Variants in NBEA observed in about 807,000 individuals in gnomAD.
The protein encoded by NBEA is neurobeachin.
In NBEA, 44 loss-of-function variants were observed where a neutral mutation model predicts 343.4. That is an observed-to-expected ratio of 0.13 (90% CI 0.10 to 0.16). NBEA has a LOEUF of 0.16. NBEA is among the 10% of genes least tolerant of loss of function. NBEA has a pLI of 1.00. For synonymous variants in NBEA, 1,175 were observed against 1,238.7 expected (o/e 0.95, Z 1.08); for missense variants, 2,555 against 3,631.3 (o/e 0.70, Z 7.62).
chr13:35,393,462 T>A (rs1429337639), intron 38 of NBEA, among the ~76,000 whole-genome samples: 1 of 152,132 alleles, frequency 6.6e-6, no homozygotes, highest in East Asian at 1.9e-4. Context: ...GGTATGCTTT[T>A]TTCTTTAAAG....
At chr13:35,383,886 T>C (rs2042118645) in intron 38 of NBEA, among the ~76,000 whole-genome samples, 1 of 152,048 alleles carries the variant, frequency 6.6e-6, no homozygotes, top group Non-Finnish European at 1.5e-5. Flanking sequence ...TGTTTAAACA[T>C]ATTTTTATGT....
At chr13:35,340,237 T>G (rs2039510159) in intron 36 of NBEA, among the ~76,000 whole-genome samples, 1 of 152,086 alleles carries the variant, frequency 6.6e-6, no homozygotes, top group South Asian at 2.1e-4. Flanking sequence ...AAATGCCCAT[T>G]GACAAGTGAA....
intron 48 of NBEA, among the ~76,000 whole-genome samples, chr13:35,622,503 C>A (rs528039754): frequency 2.8e-4 from 43 of 152,158 alleles, no homozygotes; most frequent in African/African-American, 9.9e-4. Context: ...TCTTATACAT[C>A]CAGAAACAGT....
At chr13:35,619,043 C>T (rs1346962677) in intron 48 of NBEA, among the ~76,000 whole-genome samples, 1 of 151,278 alleles carries the variant, frequency 6.6e-6, no homozygotes, top group Non-Finnish European at 1.5e-5. Flanking sequence ...GAAAATGTTT[C>T]CTTTTTAAGC....
At chr13:34,963,227 C>T (rs189724944) in intron 1 of NBEA, among the ~76,000 whole-genome samples, 2 of 152,026 alleles carry the variant, frequency 1.3e-5, no homozygotes, top group East Asian at 1.9e-4. Flanking sequence ...TTCTAGTGGC[C>T]GCAGGACTGG....
At chr13:35,411,546 C>T (rs1271020219) in intron 38 of NBEA, among the ~76,000 whole-genome samples, 2 of 151,838 alleles carry the variant, frequency 1.3e-5, no homozygotes, top group East Asian at 1.9e-4. Context: ...AAACCTTGAC[C>T]TCCTGGGCAC....
intron 36 of NBEA, among the ~76,000 whole-genome samples, chr13:35,331,225 T>G (rs1341365648): frequency 6.6e-6 from 1 of 152,034 alleles, no homozygotes; most frequent in East Asian, 1.9e-4. Flanking sequence ...ACTTTTGAGA[T>G]TTTGGAGCCA....
chr13:35,666,159 A>T (rs944253799), intron 56 of NBEA, among the ~76,000 whole-genome samples: 3 of 150,908 alleles, frequency 2.0e-5, no homozygotes, highest in Admixed American at 2.0e-4. Flanking sequence ...AGCATTTGCA[A>T]TTTTTTTTTA....
At chr13:35,201,794 G>T (rs1400241659) in intron 31 of NBEA, among the ~76,000 whole-genome samples, 1 of 152,024 alleles carries the variant, frequency 6.6e-6, no homozygotes, top group African/African-American at 2.4e-5. Flanking sequence ...TTGGCTAAAA[G>T]ATTTGAATCC....
chr13:35,539,784 C>T (rs546691421), intron 41 of NBEA, among the ~76,000 whole-genome samples: 18 of 151,090 alleles, frequency 1.2e-4, no homozygotes, highest in Non-Finnish European at 2.4e-4. Context: ...GGCGTGGTGG[C>T]GGGCGCCTGT....
At chr13:35,605,796 C>T (rs996692961) in intron 47 of NBEA, among the ~76,000 whole-genome samples, 1 of 152,052 alleles carries the variant, frequency 6.6e-6, no homozygotes, top group African/African-American at 2.4e-5. Context: ...GTCTTTGCAT[C>T]CAATTTATTG....
chr13:35,108,434 C>T (rs1034570065), intron 11 of NBEA, among the ~76,000 whole-genome samples: 1 of 151,634 alleles, frequency 6.6e-6, no homozygotes, highest in Non-Finnish European at 1.5e-5. Context: ...GCCTCAGGTG[C>T]AATTTAATAT....
At chr13:35,484,046 A>T (rs2076215464) in intron 41 of NBEA, among the ~76,000 whole-genome samples, 1 of 152,068 alleles carries the variant, frequency 6.6e-6, no homozygotes, top group South Asian at 2.1e-4. Flanking sequence ...ACAGTTTTTG[A>T]TAATACCTGA....
intron 47 of NBEA, among the ~76,000 whole-genome samples, chr13:35,599,528 CAT>C (rs2081958406): frequency 6.6e-6 from 1 of 152,204 alleles, no homozygotes; most frequent in African/African-American, 2.4e-5. Flanking sequence ...GTCTCTATCA[CAT>C]GTTTCTATAG....
chr13:35,128,845 A>G (rs189090707), intron 17 of NBEA, among the ~76,000 whole-genome samples: 3 of 152,262 alleles, frequency 2.0e-5, no homozygotes, highest in Non-Finnish European at 4.4e-5. Flanking sequence ...TAGAGCACCA[A>G]TGATAATATT....
chr13:35,603,568 A>G (rs576567319), intron 47 of NBEA, among the ~76,000 whole-genome samples: 1 of 152,354 alleles, frequency 6.6e-6, no homozygotes, highest in East Asian at 1.9e-4. Context: ...CCAAGATGGT[A>G]TAAGATAAAT....
chr13:35,424,505 G>C (rs2044518169), intron 38 of NBEA, among the ~76,000 whole-genome samples: 1 of 152,178 alleles, frequency 6.6e-6, no homozygotes, highest in African/African-American at 2.4e-5. Context: ...AAGCGCACTT[G>C]ATCATGGGGG....
At chr13:35,329,120 A>C (rs1454319633) in intron 36 of NBEA, among the ~76,000 whole-genome samples, 1 of 151,932 alleles carries the variant, frequency 6.6e-6, no homozygotes, top group Non-Finnish European at 1.5e-5. Flanking sequence ...TCGTTTGGCA[A>C]ATTCAGTTTC....
At chr13:34,976,021 T>G (rs1362175058) in intron 1 of NBEA, among the ~76,000 whole-genome samples, 1 of 152,324 alleles carries the variant, frequency 6.6e-6, no homozygotes, top group African/African-American at 2.4e-5. Flanking sequence ...TCGAGATTCC[T>G]TAGAGAACTT....
Sources: gnomAD v4.1 joint callset for allele counts (sites outside exome capture counted in the v4.1 genomes callset) on GRCh38, gnomAD v4.1.1 for gene constraint, MANE v1.5 for transcripts, NCBI Gene and HGNC (gene_info 2026-07-23, HGNC 2026-07-21) for gene names.